The following AASDH variants were observed in gnomAD, a reference collection of about 807,000 sequenced individuals.
AASDH encodes the protein aminoadipate-semialdehyde dehydrogenase.
In AASDH, 81 loss-of-function variants were observed where a neutral mutation model predicts 102.3. The observed-to-expected ratio is 0.79, with a 90% CI of 0.66 to 0.95. The LOEUF (loss-of-function observed/expected upper bound fraction) is 0.95, where lower values mean the gene tolerates loss of function less well. Among genes scored for constraint, AASDH ranks in the 40% least tolerant of loss-of-function variants. The pLI is 0.00. For missense variants in AASDH, 1,203 were observed against 1,266.2 expected (o/e 0.95, Z 0.76); for synonymous variants, 398 against 454.0 (o/e 0.88, Z 1.57).
chr4:56,374,860 A>C (rs760213018), intron 4 of AASDH, among the ~76,000 whole-genome samples: 1 of 152,190 alleles, frequency 6.6e-6, no homozygotes, highest in Non-Finnish European at 1.5e-5. Flanking sequence ...GAGGTTAAGT[A>C]CCTTATGCAA....
chr4:56,351,411 T>G lies in AASDH; in HGVS notation c.1623A>C (p.Ile541=), dbSNP rs1748983147. Residue 541 remains isoleucine (I), a synonymous_variant, in exon 10 of 15, where the codon ATA becomes ATC. Transcript: ENST00000205214. ...SELNKIYLNY[I]NLKSENKLSG... is the part of the protein sequence containing the mutation. ...TGAGCTTATTCTCAGACTTCAAGTT[T>G]ATGTAGTTTAAATATATCTTGTTTA... 5 of 1,603,800 alleles carry G rather than the reference T, an allele frequency of 3.1e-6. No homozygotes were observed. The highest frequency in any genetic ancestry group is 4.3e-6 in the Non-Finnish European group (5 of 1,173,044).
At chr4:56,378,561 C>A in intron 3 of AASDH, 97 bp from the exon 4 acceptor site, 2 of 1,075,998 alleles carry the variant, frequency 1.9e-6, no homozygotes, top group Non-Finnish European at 2.6e-6. Context: ...CCCTCAGTAT[C>A]CTTGGGGGAA....
chr4:56,342,259 T>C (rs1364744289), intron 14 of AASDH, among the ~76,000 whole-genome samples: 1 of 151,802 alleles, frequency 6.6e-6, no homozygotes, highest in African/African-American at 2.4e-5. Flanking sequence ...CCAACAACAA[T>C]ATGTTGTATA....
chr4:56,365,025 T>G lies in AASDH; in HGVS notation c.861+6426A>C, dbSNP rs940962142. 2.6e-4 allele frequency among the ~76,000 whole-genome samples: 39 copies of G among 151,998 alleles called. 1 individual carries two copies. The highest frequency in any genetic ancestry group is 7.0e-4 in the African/African-American group (29 of 41,422). On this transcript the variant is annotated intron_variant, in intron 5 of 14. Coordinates refer to ENST00000205214, the MANE Select transcript of AASDH (RefSeq NM_181806.4). ...CTCAAAATAAAAGGATGGAGGAAGA[T>G]CTACCAAGCAAATGGAAAACAAAAA...
rs764884424 is a variant in AASDH at position 56,354,704 on chromosome 4, C to T, written c.1210+1G>A. 1 of 1,588,474 alleles carries T rather than the reference C, an allele frequency of 6.3e-7. No homozygotes were observed. Among genetic ancestry groups the T allele is most frequent in the Non-Finnish European group, 8.6e-7 (1 of 1,168,880 alleles). On this transcript the variant is annotated splice_donor_variant, in intron 7 of 14. Coordinates refer to ENST00000205214, the MANE Select transcript of AASDH (RefSeq NM_181806.4). LOFTEE classifies it high-confidence loss of function. ...TTCCCAATCAACAAATATAAAACAA[C>T]CTAAAAATACTTGGCCACTGCCTTC...
intron 1 of AASDH, among the ~76,000 whole-genome samples, chr4:56,384,967 T>C (rs1753385073): frequency 6.6e-6 from 1 of 152,056 alleles, no homozygotes; most frequent in Non-Finnish European, 1.5e-5. Flanking sequence ...CCAGCTACTC[T>C]GGAGGGTGAG....
At chr4:56,349,061 A>G (rs1383282179) in intron 11 of AASDH, 2 of 598,306 alleles carry the variant, frequency 3.3e-6, no homozygotes, top group Non-Finnish European at 5.8e-6. Context: ...CACAGAGTTC[A>G]TAATAGCTAT....
In AASDH at chr4:56,349,622, G is replaced by C. The variant is rs370524914; in HGVS notation, c.2129C>G (p.Ser710Ter). The C allele has an allele frequency of 5.2e-5, 84 of 1,614,100 alleles. No homozygotes were observed. Among genetic ancestry groups the C allele is most frequent in the Non-Finnish European group, 6.5e-5 (77 of 1,180,050 alleles). ...GHCSSACPSD[S>*]VSQTNIQNLK... is the part of the protein sequence containing the mutation. ...ATTTTGAATGTTGGTCTGTGAAACT[G>C]AGTCAGAAGGACAGGCTGAAGAGCA... Residue 710 changes from serine to a stop codon, truncating the protein, a stop_gained, in exon 11 of 15, where the codon TCA becomes TGA. Transcript: ENST00000205214. LOFTEE classifies it high-confidence loss of function.
At chr4:56,381,647 T>TCACACACACACACA (rs1491305464) in intron 3 of AASDH, 2 of 27,334 alleles carry the variant, frequency 7.3e-5, no homozygotes, top group African/African-American at 2.9e-4. Context: ...TCTTGACACT[T>TCACACACACACACA]CTCACACACA....
In AASDH at chr4:56,349,849, T is replaced by C. The variant is rs1215675252; in HGVS notation, c.1902A>G (p.Glu634=). ...CACAACTCTTCCTGAATGTCACATC[T>C]TCATCTGGAACCACTGTTTGAAGGA... The part of the protein sequence containing the change: ...NHILQTVVPD[E]DVTFRKSCAT... Residue 634 remains glutamate, a synonymous_variant, in exon 11 of 15, where the codon GAA becomes GAG. Coordinates refer to ENST00000205214, the MANE Select transcript of AASDH (RefSeq NM_181806.4). 6.2e-7 allele frequency: 1 copy of C among 1,614,192 alleles called. No homozygotes were observed.
chr4:56,382,195 C>G (rs932068594), intron 3 of AASDH: 2 of 300,724 alleles, frequency 6.7e-6, no homozygotes, highest in Admixed American at 1.1e-4. Flanking sequence ...GGGTGGAGAG[C>G]CCCTCTGGGG....
chr4:56,362,303 T>A (rs925943587), intron 5 of AASDH, among the ~76,000 whole-genome samples: 1 of 152,178 alleles, frequency 6.6e-6, no homozygotes, highest in Non-Finnish European at 1.5e-5. Flanking sequence ...CTCACTCTGT[T>A]GTCCAGGCTG....
At chr4:56,344,279 A>G (rs1277474138) in intron 12 of AASDH, among the ~76,000 whole-genome samples, 1 of 152,192 alleles carries the variant, frequency 6.6e-6, no homozygotes, top group Non-Finnish European at 1.5e-5. Flanking sequence ...AGGCCTCACT[A>G]GTTACAACCT....
In AASDH at chr4:56,382,605, A is replaced by G. The variant is rs928651882; in HGVS notation, c.231-8T>C. ...GCCGGGACTTGGAGAATTCTAAAGA[A>G]AAAAGTACACAGTCAGCATAGAATG... On this transcript the variant is annotated splice_region_variant and splice_polypyrimidine_tract_variant and intron_variant, in intron 2 of 14. Transcript: ENST00000205214. The G allele has an allele frequency of 1.9e-6, 3 of 1,606,370 alleles. No homozygotes were observed. Among genetic ancestry groups the G allele is most frequent in the Admixed American group, 1.7e-5 (1 of 57,838 alleles).
chr4:56,338,864 G>T, intron 14 of AASDH, 73 bp from the exon 15 acceptor site: 1 of 1,408,672 alleles, frequency 7.1e-7, no homozygotes, highest in South Asian at 1.3e-5. Flanking sequence ...GCTCTATGAG[G>T]TTCTTAATGC....
At position 56,354,723 on chromosome 4, in the gene AASDH, T is replaced by G; in HGVS notation, c.1192A>C (p.Ser398Arg). The change falls in exon 7 of 15, where the codon AGT (serine) becomes CGT (arginine). Residue 398 changes from serine (S) to arginine (R), a missense_variant. By Grantham distance (110) the Ser-to-Arg change is moderately radical. Transcript: ENST00000205214. ...AAACAACCTAAAAATACTTGGCCACTGCCTTCCTGAATTGTGAAGCCATTA... is the reference window on the plus strand; with the variant it reads ...AAACAACCTAAAAATACTTGGCCACGGCCTTCCTGAATTGTGAAGCCATTA... Reference protein sequence around the residue: ...DTNGFTIQEGSGQVFLGGRNR... With the variant: ...DTNGFTIQEGRGQVFLGGRNR... 2 of 1,601,282 alleles carry G rather than the reference T, an allele frequency of 1.2e-6. No individual in the cohort carries two copies. Among genetic ancestry groups the G allele is most frequent in the Non-Finnish European group, 1.7e-6 (2 of 1,175,042 alleles).
At chr4:56,371,851 G>A (rs967323787) in intron 4 of AASDH, among the ~76,000 whole-genome samples, 5 of 152,040 alleles carry the variant, frequency 3.3e-5, no homozygotes, top group South Asian at 4.1e-4. Flanking sequence ...CAATATCCAC[G>A]TTTTACCAGA....
chr4:56,349,737 G>A lies in AASDH; in HGVS notation c.2014C>T (p.His672Tyr). Residue 672 changes from histidine to tyrosine, a missense_variant, in exon 11 of 15, where the codon CAC (histidine) becomes TAC (tyrosine). By Grantham distance (83) the His-to-Tyr change is moderately conservative. Coordinates refer to ENST00000205214, the MANE Select transcript of AASDH (RefSeq NM_181806.4). The part of the protein sequence containing the change: ...HQKAIMTFTC[H>Y]NEINAFVVLS... ...ACAACAAAAGCATTAATCTCATTGT[G>A]GCAAGTGAAAGTCATGATGGCTTTC... The A allele has an allele frequency of 6.2e-7, 1 of 1,614,158 alleles. No individual in the cohort carries two copies.
At chr4:56,377,400 A>G (rs1283832949) in intron 4 of AASDH, among the ~76,000 whole-genome samples, 1 of 152,212 alleles carries the variant, frequency 6.6e-6, no homozygotes, top group Non-Finnish European at 1.5e-5. Context: ...TAACAAAATG[A>G]GAATCTTTTA....
Sources: gnomAD v4.1 joint callset for allele counts (sites outside exome capture counted in the v4.1 genomes callset) on GRCh38, gnomAD v4.1.1 for gene constraint, MANE v1.5 for transcripts, NCBI Gene and HGNC (gene_info 2026-07-23, HGNC 2026-07-21) for gene names.